The following ZNF536 variants were observed in gnomAD, a reference collection of about 807,000 sequenced individuals.
ZNF536 encodes the protein zinc finger protein 536.
Under a neutral mutation model 84.5 loss-of-function variants are expected in ZNF536, and 13 were observed. The observed-to-expected ratio is 0.15, with a 90% CI of 0.10 to 0.24. The LOEUF (loss-of-function observed/expected upper bound fraction) is 0.24, where lower values mean the gene tolerates loss of function less well. Ranked by LOEUF, ZNF536 falls within the 10% of genes least tolerant of loss-of-function variation. The pLI is 1.00. For missense variants in ZNF536, 1,536 were observed against 1,747.5 expected (o/e 0.88, Z 2.16); for synonymous variants, 811 against 742.5 (o/e 1.09, Z -1.50).
At position 30,445,511 on chromosome 19, in the gene ZNF536, C is replaced by G. The variant is rs777988063; in HGVS notation, c.1949C>G (p.Ser650Cys). Residue 650 changes from serine to cysteine, a missense_variant, in exon 2 of 5, where the codon TCC becomes TGC. By Grantham distance (112) the Ser-to-Cys change is moderately radical. Around this residue, in one of 8 missense-constraint regions of ZNF536, gnomAD observed 366 missense variants for 364.4 expected, o/e 1.00. Coordinates refer to ENST00000355537, the MANE Select transcript of ZNF536 (RefSeq NM_014717.3). The surrounding 1 kb of genome is among the most constrained non-coding windows in gnomAD (Gnocchi z 4.5). ...FRTYHQVVVHSRVHKRDRKGE... is the reference protein window; with the variant it reads ...FRTYHQVVVHCRVHKRDRKGE... ...ACTTACCACCAGGTGGTCGTGCACTCCCGTGTCCACAAGCGGGACCGCAAG... is the reference window on the plus strand; with the variant it reads ...ACTTACCACCAGGTGGTCGTGCACTGCCGTGTCCACAAGCGGGACCGCAAG... 1.2e-6 allele frequency: 2 copies of G among 1,614,004 alleles called. No individual in the cohort carries two copies. The highest frequency in any genetic ancestry group is 1.7e-5 in the Admixed American group (1 of 60,026).
intron 2 of ZNF536, among the ~76,000 whole-genome samples, chr19:30,448,980 A>C (rs1292834896): frequency 1.3e-5 from 2 of 152,222 alleles, no homozygotes; most frequent in Non-Finnish European, 2.9e-5. Context: ...TGAATCAGTG[A>C]ACATGTGAAA....
At chr19:30,472,673 C>A (rs1205529311) in intron 2 of ZNF536, among the ~76,000 whole-genome samples, 1 of 152,170 alleles carries the variant, frequency 6.6e-6, no homozygotes. Context: ...GCAGTCCACA[C>A]CTTTCACTCC....
chr19:30,462,412 C>T (rs1482276805), intron 2 of ZNF536, among the ~76,000 whole-genome samples: 1 of 151,872 alleles, frequency 6.6e-6, no homozygotes, highest in East Asian at 1.9e-4. Context: ...GTATGTATAT[C>T]TGCAAGTTAC....
At chr19:30,451,569 C>A (rs1172455387) in intron 2 of ZNF536, among the ~76,000 whole-genome samples, 7 of 152,212 alleles carry the variant, frequency 4.6e-5, no homozygotes, top group Admixed American at 1.3e-4. Flanking sequence ...TGAAAGTCTT[C>A]AGACTAGGAG....
chr19:30,240,614 A>G (rs1325509443), intron 1 of ZNF536, among the ~76,000 whole-genome samples: 1 of 152,176 alleles, frequency 6.6e-6, no homozygotes. Context: ...TCCAGAGACA[A>G]TACCTAGCTT....
chr19:30,566,762 C>A (rs368980459), intron 1 of ZNF536, among the ~76,000 whole-genome samples: 1 of 147,782 alleles, frequency 6.8e-6, no homozygotes, highest in South Asian at 2.2e-4. Flanking sequence ...GTGGCCTCTC[C>A]GGGCAGTGGA....
chr19:30,260,831 C>T (rs1177917824), intron 1 of ZNF536, among the ~76,000 whole-genome samples: 1 of 152,198 alleles, frequency 6.6e-6, no homozygotes, highest in African/African-American at 2.4e-5. Context: ...CAAGCCCAGT[C>T]CTGCTCCTAG....
At chr19:30,261,711 A>G (rs1187703324) in intron 1 of ZNF536, among the ~76,000 whole-genome samples, 2 of 151,952 alleles carry the variant, frequency 1.3e-5, no homozygotes, top group African/African-American at 4.8e-5. Flanking sequence ...AAAAAAAAAA[A>G]AAAAAAGAAA....
chr19:30,592,554 G>A (rs995147930), intron 1 of ZNF536, among the ~76,000 whole-genome samples: 5 of 152,056 alleles, frequency 3.3e-5, no homozygotes, highest in South Asian at 2.1e-4. Context: ...CAGCACACCC[G>A]GGCTCAGCTC....
chr19:30,287,602 ATGGGTGGATGGATGGG>A lies in ZNF536; in HGVS notation c.-120+3525_-120+3540del, dbSNP rs1314003922. On this transcript the variant is annotated intron_variant, in intron 2 of 5. Coordinates refer to the ZNF536 transcript ENST00000585628. ...GATGGATGGATGGATAGATGGATGG[ATGGGTGGATGGATGGG>A]TGGGTGGATGGATGGGTGGGTGGAT... Among the ~76,000 whole-genome samples the A allele has an allele frequency of 3.6e-3, 420 of 117,398 alleles. 5 individuals carry two copies. The highest frequency in any genetic ancestry group is 4.1e-3 in the East Asian group (13 of 3,200). 77.0% of individuals were successfully genotyped at this position (117,398 alleles called of 152,430 possible).
intron 1 of ZNF536, among the ~76,000 whole-genome samples, chr19:30,710,086 G>T (rs1417188413): frequency 6.6e-6 from 1 of 152,190 alleles, no homozygotes; most frequent in East Asian, 1.9e-4. Flanking sequence ...ATAAAAAGTT[G>T]AGGAATATTT....
At chr19:30,523,824 G>T (rs1673178986) in intron 2 of ZNF536, among the ~76,000 whole-genome samples, 1 of 152,228 alleles carries the variant, frequency 6.6e-6, no homozygotes, top group Non-Finnish European at 1.5e-5. Context: ...CACAAGTGTG[G>T]TCAATGCCTC....
intron 2 of ZNF536, among the ~76,000 whole-genome samples, chr19:30,341,269 GA>G (rs1260625359): frequency 6.6e-6 from 1 of 152,126 alleles, no homozygotes; most frequent in Non-Finnish European, 1.5e-5. Flanking sequence ...AATTGGCAAG[GA>G]AAAAAATAGT....
intron 1 of ZNF536, among the ~76,000 whole-genome samples, chr19:30,403,687 C>T (rs12609230): frequency 0.33 from 50,645 of 152,116 alleles, 8,811 homozygotes; most frequent in East Asian, 0.52. Context: ...TGCTGTCTTC[C>T]ACAGCCTCCC....
intron 2 of ZNF536, among the ~76,000 whole-genome samples, chr19:30,487,617 A>G (rs1386282139): frequency 6.6e-6 from 1 of 152,118 alleles, no homozygotes; most frequent in Non-Finnish European, 1.5e-5. Flanking sequence ...AAAATTTTTT[A>G]AGAAAATTAG....
chr19:30,630,437 A>G (rs1456713731), intron 1 of ZNF536, among the ~76,000 whole-genome samples: 1 of 151,212 alleles, frequency 6.6e-6, no homozygotes, highest in Admixed American at 6.6e-5. Context: ...GTGTTTGTGT[A>G]CCTGCGTGTG....
chr19:30,654,412 C>G (rs889274990), intron 1 of ZNF536, among the ~76,000 whole-genome samples: 1 of 151,924 alleles, frequency 6.6e-6, no homozygotes, highest in African/African-American at 2.4e-5. Flanking sequence ...CCTCACCACC[C>G]CCCTTATTCA....
At chr19:30,626,003 G>GT (rs1176575966) in intron 1 of ZNF536, among the ~76,000 whole-genome samples, 1 of 152,150 alleles carries the variant, frequency 6.6e-6, no homozygotes, top group African/African-American at 2.4e-5. Context: ...AGGTTATATT[G>GT]TAAGTTCAAT....
intron 2 of ZNF536, among the ~76,000 whole-genome samples, chr19:30,343,402 A>G (rs1297132364): frequency 6.6e-6 from 1 of 152,160 alleles, no homozygotes; most frequent in African/African-American, 2.4e-5. Context: ...TCTTCATAAT[A>G]TGTATCACAA....
Sources: gnomAD v4.1 joint callset for allele counts (sites outside exome capture counted in the v4.1 genomes callset) on GRCh38, gnomAD v4.1.1 for gene constraint, gnomAD v4.1.1 regional missense constraint, Gnocchi (gnomAD v3.1) non-coding constraint, MANE v1.5 for transcripts, NCBI Gene and HGNC (gene_info 2026-07-23, HGNC 2026-07-21) for gene names.